Variants in SLC38A12 observed in about 807,000 individuals in gnomAD.
SLC38A12 encodes putative sodium-coupled neutral amino acid transporter 12.
At chr17:74,820,041 G>A in the SLC38A12 span, among the ~76,000 whole-genome samples, 1 of 152,214 alleles carries the variant, frequency 6.6e-6, no homozygotes, top group South Asian at 2.1e-4. Context: ...TTACTGCTGG[G>A]GAAATTTAAC....
the SLC38A12 span, among the ~76,000 whole-genome samples, chr17:74,823,473 A>G: frequency 6.6e-5 from 10 of 152,266 alleles, no homozygotes; most frequent in African/African-American, 2.4e-4. Flanking sequence ...TTCTGCCAGA[A>G]TGGCACTGAA....
the SLC38A12 span, among the ~76,000 whole-genome samples, chr17:74,817,356 C>T: frequency 1.3e-5 from 2 of 152,178 alleles, no homozygotes; most frequent in African/African-American, 4.8e-5. Flanking sequence ...CACATTCCAA[C>T]CATCATCCAT....
chr17:74,824,136 G>A, the SLC38A12 span, among the ~76,000 whole-genome samples: 1 of 152,202 alleles, frequency 6.6e-6, no homozygotes, highest in East Asian at 1.9e-4. Context: ...GTCACGGTGA[G>A]ATCTAGGAGC....
At chr17:74,824,101 G>A in the SLC38A12 span, among the ~76,000 whole-genome samples, 1 of 152,164 alleles carries the variant, frequency 6.6e-6, no homozygotes, top group African/African-American at 2.4e-5. Flanking sequence ...CCTCAAGAGA[G>A]CAGGCCCTGG....
At chr17:74,835,918 G>A in the SLC38A12 span, 9 of 1,592,704 alleles carry the variant, frequency 5.7e-6, no homozygotes, top group African/African-American at 2.7e-5. Context: ...CCTCTCTCTC[G>A]TTTCCCAGCT....
the SLC38A12 span, among the ~76,000 whole-genome samples, chr17:74,776,810 A>C: frequency 6.6e-6 from 1 of 152,054 alleles, no homozygotes; most frequent in Admixed American, 6.6e-5. Flanking sequence ...TAGTGCCAAG[A>C]GTGGAGTTGG....
At chr17:74,793,490 T>C in the SLC38A12 span, among the ~76,000 whole-genome samples, 1 of 152,224 alleles carries the variant, frequency 6.6e-6, no homozygotes, top group Non-Finnish European at 1.5e-5. Context: ...TCCCAGCTCA[T>C]TTCTTATAAT....
the SLC38A12 span, chr17:74,836,480 C>T: frequency 4.0e-5 from 65 of 1,610,244 alleles, no homozygotes; most frequent in African/African-American, 6.4e-4. This position sits in a 1 kb window ranked among gnomAD's most constrained non-coding sequence, Gnocchi z 4.2. Flanking sequence ...CAGGGGCCTA[C>T]GCGGGCACCG....
the SLC38A12 span, among the ~76,000 whole-genome samples, chr17:74,800,289 G>C: frequency 2.6e-4 from 40 of 152,354 alleles, no homozygotes; most frequent in African/African-American, 8.9e-4. Context: ...ATGTTCCCTG[G>C]TGAGTGAGCG....
chr17:74,786,758 T>G, the SLC38A12 span, among the ~76,000 whole-genome samples: 1 of 152,298 alleles, frequency 6.6e-6, no homozygotes, highest in Non-Finnish European at 1.5e-5. Flanking sequence ...GCATTTCTTT[T>G]GGGGAGTTTT....
the SLC38A12 span, chr17:74,838,402 C>T: frequency 2.0e-6 from 2 of 1,004,822 alleles, no homozygotes; most frequent in Non-Finnish European, 2.4e-6. Flanking sequence ...ACATCTGGAA[C>T]TACCCTTCTC....
chr17:74,836,888 G>A, the SLC38A12 span: 1 of 1,373,590 alleles, frequency 7.3e-7, no homozygotes, highest in Non-Finnish European at 9.4e-7. This position sits in a 1 kb window ranked among gnomAD's most constrained non-coding sequence, Gnocchi z 4.2. Flanking sequence ...CCCCCGGGCA[G>A]CTCTCCCACC....
At chr17:74,787,818 GA>G in the SLC38A12 span, among the ~76,000 whole-genome samples, 1 of 145,486 alleles carries the variant, frequency 6.9e-6, no homozygotes, top group South Asian at 2.2e-4. Flanking sequence ...TTTTGAGACA[GA>G]ATCTCGCTCT....
the SLC38A12 span, chr17:74,794,985 CCTGA>C: frequency 3.1e-6 from 5 of 1,597,168 alleles, no homozygotes; most frequent in African/African-American, 1.3e-5. Flanking sequence ...TTTGTGGCTC[CCTGA>C]CTGATGGCTG....
At chr17:74,809,865 G>A in the SLC38A12 span, among the ~76,000 whole-genome samples, 70 of 152,306 alleles carry the variant, frequency 4.6e-4, no homozygotes, top group African/African-American at 1.0e-3. Flanking sequence ...CAGAGGTAGC[G>A]CAGGTGCCCC....
At chr17:74,805,384 G>A in the SLC38A12 span, among the ~76,000 whole-genome samples, 1 of 152,170 alleles carries the variant, frequency 6.6e-6, no homozygotes. This position sits in a 1 kb window ranked among gnomAD's most constrained non-coding sequence, Gnocchi z 5.0. Context: ...TGCGGCTGAC[G>A]GGTACCTCCC....
chr17:74,837,013 G>A, the SLC38A12 span: 10 of 1,131,512 alleles, frequency 8.8e-6, no homozygotes, highest in South Asian at 6.4e-5. Context: ...CTTCCAGGGC[G>A]GGCTACTCCC....
At chr17:74,812,877 G>T in the SLC38A12 span, among the ~76,000 whole-genome samples, 1 of 152,282 alleles carries the variant, frequency 6.6e-6, no homozygotes, top group East Asian at 1.9e-4. Context: ...CTGGCCTCCC[G>T]TGTTGAAACT....
the SLC38A12 span, chr17:74,838,959 G>A: frequency 1.4e-5 from 21 of 1,535,608 alleles, no homozygotes; most frequent in South Asian, 8.3e-5. Context: ...AGCAGGTGTC[G>A]TTGTGGAGGA....
Sources: allele counts gnomAD v4.1 joint callset (sites outside exome capture counted in the v4.1 genomes callset), GRCh38; gene constraint gnomAD v4.1.1; non-coding constraint Gnocchi (gnomAD v3.1); transcripts MANE v1.5; gene names NCBI Gene and HGNC (gene_info 2026-07-23, HGNC 2026-07-21).